The following HDAC9 variants were observed in gnomAD, a reference collection of about 807,000 sequenced individuals.
The protein encoded by HDAC9 is MEF-2 interacting transcription repressor (MITR) protein.
In HDAC9, 41 loss-of-function variants were observed where a neutral mutation model predicts 139.4. The observed-to-expected ratio is 0.29, with a 90% CI of 0.23 to 0.38. The LOEUF (loss-of-function observed/expected upper bound fraction) is 0.38. Ranked by LOEUF, HDAC9 falls within the 10% of genes least tolerant of loss-of-function variation. The pLI is 1.00. For missense variants in HDAC9, 1,147 were observed against 1,297.0 expected, an observed-to-expected ratio of 0.88 and a Z score of 1.78; for synonymous variants, 517 against 476.2, an observed-to-expected ratio of 1.09 and a Z score of -1.12.
intron 4 of HDAC9, 27 bp downstream of exon 4, chr7:18,590,513 A>G: frequency 6.3e-7 from 1 of 1,575,622 alleles, no homozygotes. Context: ...TAAACGATGG[A>G]CTCTCTTTCC....
chr7:18,648,312 G>T (rs529216365), intron 10 of HDAC9, among the ~76,000 whole-genome samples, 154 bp from the exon 11 acceptor site: 1 of 152,152 alleles, frequency 6.6e-6, no homozygotes, highest in Admixed American at 6.5e-5. Context: ...TCTGTTGTTT[G>T]CCTGGTAGCA....
At chr7:18,392,600 A>C (rs984891869) in intron 1 of HDAC9, among the ~76,000 whole-genome samples, 1 of 152,136 alleles carries the variant, frequency 6.6e-6, no homozygotes, top group African/African-American at 2.4e-5. Flanking sequence ...CAATCCAACT[A>C]ATGCAATTTT....
chr7:18,217,461 AG>A (rs1440650965), intron 2 of HDAC9, among the ~76,000 whole-genome samples: 1 of 152,050 alleles, frequency 6.6e-6, no homozygotes, highest in Admixed American at 6.6e-5. Context: ...CTTTTTTAAA[AG>A]GTATTTGCAT....
intron 3 of HDAC9, 133 bp from the exon 4 acceptor site, chr7:18,590,203 T>C: frequency 1.1e-6 from 1 of 936,974 alleles, no homozygotes; most frequent in Non-Finnish European, 1.6e-6. Context: ...TTCAATGATT[T>C]ACAGAAAAAG....
chr7:18,798,572 T>C (rs950663070), intron 17 of HDAC9, among the ~76,000 whole-genome samples: 1 of 152,186 alleles, frequency 6.6e-6, no homozygotes, highest in African/African-American at 2.4e-5. Flanking sequence ...GAATTGGAAC[T>C]CCTTCAAAGC....
chr7:18,376,731 C>G (rs907118935), intron 1 of HDAC9, among the ~76,000 whole-genome samples: 2 of 152,066 alleles, frequency 1.3e-5, no homozygotes, highest in African/African-American at 2.4e-5. Flanking sequence ...AACACTGTAT[C>G]TCTAGCCTAG....
At chr7:18,605,481 T>G (rs148155450) in intron 6 of HDAC9, among the ~76,000 whole-genome samples, 435 of 152,314 alleles carry the variant, frequency 2.9e-3, no homozygotes, top group African/African-American at 0.01. Context: ...TTCGTGTGTA[T>G]TTCAAAATTG....
Position 18,585,362 on chromosome 7 carries a change from C to T in HDAC9, c.104C>T (p.Pro35Leu). The change falls in exon 3 of 26, where the codon CCC (proline) becomes CTC (leucine). Residue 35 changes from proline to leucine, a missense_variant. This residue lies in a region of HDAC9 where 136 missense variants were observed against 183.5 expected (regional missense o/e 0.74). Transcript: ENST00000686413. ...AGGACAGACCTCAGGATGATGATGC[C>T]CGTGGTGGACCCTGTTGTCCGTGAG... ...DLRTDLRMMM[P>L]VVDPVVREKQ... 1.2e-6 allele frequency: 2 copies of T among 1,613,782 alleles called. No homozygotes were observed. Among genetic ancestry groups the T allele is most frequent in the Non-Finnish European group, 8.5e-7 (1 of 1,179,854 alleles).
chr7:18,426,641 C>T (rs1484270925), intron 1 of HDAC9, among the ~76,000 whole-genome samples: 2 of 152,160 alleles, frequency 1.3e-5, no homozygotes, highest in Admixed American at 6.6e-5. Flanking sequence ...TTTAGTCACA[C>T]TCATACACAC....
chr7:18,122,261 T>C (rs1784407002), intron 1 of HDAC9, among the ~76,000 whole-genome samples: 2 of 152,302 alleles, frequency 1.3e-5, no homozygotes, highest in South Asian at 2.1e-4. Context: ...TTGTCAGTTA[T>C]GTGTGTAGGT....
At chr7:18,822,016 C>CAAGAGA (rs1453467269) in intron 17 of HDAC9, among the ~76,000 whole-genome samples, 1,867 of 152,224 alleles carry the variant, frequency 0.012, 41 homozygotes, top group African/African-American at 0.043. Flanking sequence ...CCAAGTGTGC[C>CAAGAGA]ACCCTTGCAG....
intron 22 of HDAC9, among the ~76,000 whole-genome samples, chr7:18,912,426 C>A (rs1802824519): frequency 6.6e-6 from 1 of 152,038 alleles, no homozygotes; most frequent in South Asian, 2.1e-4. Flanking sequence ...AATTTGTTTT[C>A]TTTATCAATA....
chr7:18,871,517 A>G (rs1363389702), intron 21 of HDAC9, among the ~76,000 whole-genome samples: 3 of 152,186 alleles, frequency 2.0e-5, no homozygotes, highest in Admixed American at 2.0e-4. Context: ...ATTAAGAACC[A>G]TGAGTTCGTA....
At chr7:18,607,334 C>T (rs1420444742) in intron 6 of HDAC9, among the ~76,000 whole-genome samples, 1 of 152,208 alleles carries the variant, frequency 6.6e-6, no homozygotes, top group African/African-American at 2.4e-5. Context: ...AAAATAATTT[C>T]ATGGCTTGGC....
At chr7:18,285,529 T>C (rs680437), upstream of HDAC9, among the ~76,000 whole-genome samples, 27,794 of 151,928 alleles carry the variant, frequency 0.18, 2,701 homozygotes, top group South Asian at 0.29. Flanking sequence ...TTTTAAAAGA[T>C]TCTTGATATA....
chr7:18,786,840 C>CTTCCTTCCTTCCTTCCTTCA (rs1554355335), intron 16 of HDAC9, among the ~76,000 whole-genome samples: 1 of 38,990 alleles, frequency 2.6e-5, no homozygotes, highest in Non-Finnish European at 7.4e-5. Context: ...TCCTTCATTC[C>CTTCCTTCCTTCCTTCCTTCA]TTCCTTCCTT....
intron 22 of HDAC9, among the ~76,000 whole-genome samples, chr7:18,918,616 T>C (rs1803419445): frequency 6.6e-6 from 1 of 152,060 alleles, no homozygotes; most frequent in African/African-American, 2.4e-5. Flanking sequence ...ACTTATTGTC[T>C]GTCTCTCCTC....
At chr7:18,350,146 A>G (rs1327897163) in intron 1 of HDAC9, among the ~76,000 whole-genome samples, 2 of 152,160 alleles carry the variant, frequency 1.3e-5, no homozygotes, top group African/African-American at 2.4e-5. Context: ...GTACCTGTGT[A>G]TAACTCAGTG....
chr7:18,110,594 A>G (rs1157377484), intron 1 of HDAC9, among the ~76,000 whole-genome samples: 1 of 152,180 alleles, frequency 6.6e-6, no homozygotes, highest in Admixed American at 6.5e-5. Context: ...AGTCCTGACT[A>G]TAAAGGGCTG....
Sources: gnomAD v4.1 joint callset for allele counts (sites outside exome capture counted in the v4.1 genomes callset) on GRCh38, gnomAD v4.1.1 for gene constraint, gnomAD v4.1.1 regional missense constraint, MANE v1.5 for transcripts, NCBI Gene and HGNC (gene_info 2026-07-23, HGNC 2026-07-21) for gene names.